Variants in SAFB observed in about 807,000 individuals in gnomAD.
SAFB encodes the protein scaffold attachment factor B1.
In SAFB, 15 loss-of-function variants were observed where a neutral mutation model predicts 101.6. The ratio of observed to expected loss-of-function variants is 0.15; its 90% CI spans 0.10 to 0.23. The LOEUF (loss-of-function observed/expected upper bound fraction) is 0.23. Among genes scored for constraint, SAFB ranks in the 10% least tolerant of loss-of-function variants. The pLI, the probability that SAFB is intolerant of heterozygous loss-of-function variation, is 1.00. For synonymous variants in SAFB, 449 were observed against 407.5 expected, an observed-to-expected ratio of 1.10 and a Z score of -1.23; for missense variants, 930 against 1,104.1, an observed-to-expected ratio of 0.84 and a Z score of 2.23.
At chr19:5,664,632 CA>C (rs2054289212) in intron 17 of SAFB, 193 bp downstream of exon 17, 4 of 557,406 alleles carry the variant, frequency 7.2e-6, no homozygotes, top group Non-Finnish European at 1.3e-5. Flanking sequence ...GCTGTCAGTC[CA>C]AACAGTTACT....
chr19:5,624,596 A>G (rs1469334653), intron 1 of SAFB, among the ~76,000 whole-genome samples: 1 of 151,766 alleles, frequency 6.6e-6, no homozygotes, highest in Admixed American at 6.6e-5. Flanking sequence ...CCCTGCAGGC[A>G]GTGGGGCTGT....
Position 5,657,342 on chromosome 19 carries a change from C to A in SAFB, c.1857C>A (p.Ser619=). The A allele has an allele frequency of 1.2e-6, 2 of 1,600,532 alleles. No homozygotes were observed. Among genetic ancestry groups the A allele is most frequent in the Non-Finnish European group, 1.7e-6 (2 of 1,167,914 alleles). ...KEPRKSRDSE[S]HSRVRERSER... ...CTCGGAAGTCAAGAGACTCAGAGTC[C>A]CATAGGTGAGTAGGGATCCAGGAAC... Residue 619 remains serine, a synonymous_variant, in exon 14 of 21, where the codon TCC becomes TCA. Coordinates refer to ENST00000588852, the MANE Select transcript of SAFB (RefSeq NM_001201338.2).
In SAFB at chr19:5,645,417, TC is replaced by T; in HGVS notation, c.609+19del. ...TATTACAGGTAAACTGTTGTATGTC[TC>T]AGTACTTTTAGAATGAAAGGTCAGA... On this transcript the variant is annotated intron_variant, in intron 5 of 20. Transcript: ENST00000588852. 1 of 1,206,908 alleles carries T rather than the reference TC, an allele frequency of 8.3e-7. No homozygotes were observed. Among genetic ancestry groups the T allele is most frequent in the Non-Finnish European group, 1.2e-6 (1 of 814,252 alleles). 74.8% of individuals were successfully genotyped at this position (1,206,908 alleles called of 1,614,324 possible). A position where few individuals can be genotyped will look rare whatever the true frequency, so the allele number is the denominator to read the frequency against.
At chr19:5,662,355 G>A (rs1237309098) in intron 15 of SAFB, among the ~76,000 whole-genome samples, 1 of 151,970 alleles carries the variant, frequency 6.6e-6, no homozygotes, top group Non-Finnish European at 1.5e-5. Flanking sequence ...AAAATTGGTC[G>A]TGGTGACAGG....
Position 5,642,031 on chromosome 19 carries a change from G to A in SAFB, c.546+85G>A, listed in dbSNP as rs758890651. Reference sequence around the variant, plus strand: ...TAGGTGATCAGTTTCATATTGGGAAGTAAGTTGTTCTGTAATGCCAGTTCA... The same window carrying A: ...TAGGTGATCAGTTTCATATTGGGAAATAAGTTGTTCTGTAATGCCAGTTCA... On this transcript the variant is annotated intron_variant, in intron 4 of 20. Coordinates refer to ENST00000588852, the MANE Select transcript of SAFB (RefSeq NM_001201338.2). The A allele has an allele frequency of 2.7e-6, 3 of 1,126,682 alleles. No individual in the cohort carries two copies. The African/African-American group carries it at 4.6e-5, about 17-fold the overall frequency. The allele number at this position is 1,126,682 out of a possible 1,614,324, so 69.8% of individuals were successfully genotyped here.
At chr19:5,647,896 G>A in intron 5 of SAFB, 120 bp from the exon 6 acceptor site, 2 of 909,860 alleles carry the variant, frequency 2.2e-6, no homozygotes, top group Admixed American at 1.9e-5. Flanking sequence ...CACCTCTTGA[G>A]TTTGTGAGTT....
chr19:5,665,711 A>T (rs1226731023), intron 17 of SAFB: 1 of 152,176 alleles, frequency 6.6e-6, no homozygotes, highest in East Asian at 1.9e-4. Context: ...CCTCACATAC[A>T]CAGTCATAAA....
At chr19:5,655,341 C>A (rs1289768290) in intron 13 of SAFB, among the ~76,000 whole-genome samples, 1 of 151,182 alleles carries the variant, frequency 6.6e-6, no homozygotes, top group African/African-American at 2.4e-5. Context: ...ATCTGTGGTC[C>A]CAGCTACTCA....
chr19:5,629,317 G>C (rs962923210), intron 2 of SAFB, among the ~76,000 whole-genome samples: 6 of 152,122 alleles, frequency 3.9e-5, no homozygotes, highest in African/African-American at 1.4e-4. Context: ...TGTAGTCCCA[G>C]CTACTAGGGA....
chr19:5,662,451 G>T (rs1280836038), intron 15 of SAFB, among the ~76,000 whole-genome samples: 1 of 151,374 alleles, frequency 6.6e-6, no homozygotes, highest in African/African-American at 2.4e-5. Context: ...CCAAGATCGT[G>T]CCACTGCACT....
In SAFB at chr19:5,635,089, G is replaced by A. The variant is rs538780707; in HGVS notation, c.275-6505G>A. 8.6e-4 allele frequency among the ~76,000 whole-genome samples: 131 copies of A among 152,186 alleles called. 2 individuals are homozygous for A. Among genetic ancestry groups the A allele is most frequent in the South Asian group, 1.7e-3 (8 of 4,828 alleles). On this transcript the variant is annotated intron_variant, in intron 2 of 20. Coordinates refer to ENST00000588852, the MANE Select transcript of SAFB (RefSeq NM_001201338.2). ...GGAGGCGGAGGTTCCGGTGAGCCGA[G>A]ATCACGCCATTGCACTCCAGCCTGG... is the stretch of plus-strand genomic sequence containing the variant.
At chr19:5,640,999 G>A (rs759111470) in intron 2 of SAFB, among the ~76,000 whole-genome samples, 5 of 150,802 alleles carry the variant, frequency 3.3e-5, no homozygotes, top group Non-Finnish European at 4.4e-5. Flanking sequence ...GCGCAGTCTC[G>A]GCTCAGTGCA....
chr19:5,645,370 A>G lies in SAFB; in HGVS notation c.580A>G (p.Thr194Ala). 7.2e-7 allele frequency: 1 copy of G among 1,386,528 alleles called. No homozygotes were observed. Among genetic ancestry groups the G allele is most frequent in the Non-Finnish European group, 1.0e-6 (1 of 973,694 alleles). The allele number at this position is 1,386,528 out of a possible 1,614,324, so 85.9% of individuals were successfully genotyped here. A position where few individuals can be genotyped will look rare whatever the true frequency, so the allele number is the denominator to read the frequency against. Reference protein sequence around the residue: ...EDKETINNLDTSSSDFTILQE... With the variant: ...EDKETINNLDASSSDFTILQE... ...CAAAGAAACTATAAACAATTTAGAT[A>G]CTTCATCATCTGACTTCACTATATT... Residue 194 changes from threonine (T) to alanine (A), a missense_variant, in exon 5 of 21, where the codon ACT (threonine) becomes GCT (alanine). This residue lies in a region of SAFB where 130 missense variants were observed against 114.2 expected (regional missense o/e 1.14). Transcript: ENST00000588852.
At chr19:5,642,122 T>C (rs193134354) in intron 4 of SAFB, 176 bp downstream of exon 4, 1 of 688,132 alleles carries the variant, frequency 1.5e-6, no homozygotes, top group Non-Finnish European at 2.6e-6. Context: ...GGTGATGTCT[T>C]ATAACATTTC....
At chr19:5,666,930 A>G (rs1293845754) in intron 17 of SAFB, 116 bp from the exon 18 acceptor site, 1 of 785,112 alleles carries the variant, frequency 1.3e-6, no homozygotes, top group African/African-American at 1.7e-5. Context: ...ACAGCCTGCC[A>G]GCACTTCTGT....
chr19:5,664,463 G>A lies in SAFB; in HGVS notation c.2334+24G>A, dbSNP rs747070967. On this transcript the variant is annotated intron_variant, in intron 17 of 20. Coordinates refer to ENST00000588852, the MANE Select transcript of SAFB (RefSeq NM_001201338.2). ...AGGTAAGTCTGAAGCTACAGTGGTAGCCACAGAATTTCCCATAGAATGGGT... is the reference window on the plus strand; with the variant it reads ...AGGTAAGTCTGAAGCTACAGTGGTAACCACAGAATTTCCCATAGAATGGGT... 10 of 1,598,212 alleles carry A rather than the reference G, an allele frequency of 6.3e-6. No individual in the cohort carries two copies. The East Asian group carries it at 2.0e-4, about 32-fold the overall frequency.
intron 2 of SAFB, among the ~76,000 whole-genome samples, chr19:5,636,491 A>G (rs753689732): frequency 6.6e-6 from 1 of 152,072 alleles, no homozygotes; most frequent in Non-Finnish European, 1.5e-5. Flanking sequence ...AACTGACCAA[A>G]ATATCATGTA....
intron 16 of SAFB, 39 bp downstream of exon 16, chr19:5,664,198 T>C (rs1396781521): frequency 6.2e-7 from 1 of 1,604,526 alleles, no homozygotes; most frequent in Non-Finnish European, 8.5e-7. Flanking sequence ...GTTTTCTTTT[T>C]CCTGGCTCAT....
intron 9 of SAFB, 99 bp downstream of exon 9, chr19:5,651,171 C>T: frequency 2.8e-6 from 2 of 710,604 alleles, no homozygotes; most frequent in African/African-American, 1.8e-5. Context: ...TTGAGAGATA[C>T]CAAGGAGCTT....
Sources: gnomAD v4.1 joint callset for allele counts (sites outside exome capture counted in the v4.1 genomes callset) on GRCh38, gnomAD v4.1.1 for gene constraint, gnomAD v4.1.1 regional missense constraint, MANE v1.5 for transcripts, NCBI Gene and HGNC (gene_info 2026-07-23, HGNC 2026-07-21) for gene names.